TMEM181: variants seen among roughly 807,000 people sequenced by gnomAD.
The protein encoded by TMEM181 is transmembrane protein 181.
Under a neutral mutation model 71.9 loss-of-function variants are expected in TMEM181, and 39 were observed. The ratio of observed to expected loss-of-function variants is 0.54; its 90% CI spans 0.42 to 0.71. TMEM181 has a LOEUF of 0.71. TMEM181 is among the 30% of genes least tolerant of loss of function. TMEM181 has a pLI of 0.00. For synonymous variants in TMEM181, 245 were observed against 228.8 expected, an observed-to-expected ratio of 1.07 and a Z score of -0.64; for missense variants, 595 against 583.0, an observed-to-expected ratio of 1.02 and a Z score of -0.21.
At chr6:158,550,384 G>T (rs1485208763) in intron 1 of TMEM181, among the ~76,000 whole-genome samples, 1 of 151,694 alleles carries the variant, frequency 6.6e-6, no homozygotes, top group East Asian at 2.0e-4. Context: ...TCAGCCGGGC[G>T]CGGTGGCTCA....
At chr6:158,605,125 AAAAAAAGT>A (rs1784871583) in intron 6 of TMEM181, 134 bp from the exon 7 acceptor site, 44 of 494,222 alleles carry the variant, frequency 8.9e-5, no homozygotes, top group Middle Eastern at 5.6e-4. Context: ...AAAAAAAAAA[AAAAAAAGT>A]GTGTGTGTGT....
intron 2 of TMEM181, among the ~76,000 whole-genome samples, chr6:158,579,760 A>G (rs1783370199): frequency 6.6e-6 from 1 of 152,156 alleles, no homozygotes; most frequent in South Asian, 2.1e-4. Context: ...GGAAATTCAT[A>G]CAGAAGCTAT....
intron 1 of TMEM181, among the ~76,000 whole-genome samples, chr6:158,542,328 G>T (rs972721457): frequency 2.0e-5 from 3 of 152,308 alleles, no homozygotes; most frequent in Middle Eastern, 3.4e-3. Context: ...TACTAAAGTT[G>T]TTACTCCGTT....
chr6:158,579,884 CAGAA>C (rs1196255243), intron 2 of TMEM181, among the ~76,000 whole-genome samples: 1 of 152,078 alleles, frequency 6.6e-6, no homozygotes, highest in East Asian at 1.9e-4. Context: ...ATCATCAAGA[CAGAA>C]AGTAGAGTGG....
intron 2 of TMEM181, among the ~76,000 whole-genome samples, chr6:158,577,805 T>C (rs1783247717): frequency 1.3e-5 from 2 of 152,138 alleles, no homozygotes; most frequent in African/African-American, 4.8e-5. Flanking sequence ...AAAAGAAAAC[T>C]GTTGGCCGGG....
At position 158,582,606 on chromosome 6, in the gene TMEM181, G is replaced by C. The variant is rs942917611; in HGVS notation, c.169-1348G>C. Among the ~76,000 whole-genome samples the C allele has an allele frequency of 2.6e-5, 4 of 151,662 alleles. No individual in the cohort carries two copies. In the South Asian group the frequency reaches 8.4e-4, roughly 32 times the overall value. On this transcript the variant is annotated intron_variant, in intron 3 of 16. Transcript: ENST00000684151. ...CTTGATCCTGAGAGGTTGATGCTGC[G>C]GTAAGCCATGATTGCACCACTACAC...
In TMEM181 at chr6:158,555,066, A is replaced by G. The variant is rs1781835650; in HGVS notation, c.131+18201A>G. 5.3e-5 allele frequency among the ~76,000 whole-genome samples: 8 copies of G among 152,356 alleles called. No homozygotes were observed. In the South Asian group the frequency reaches 1.7e-3, roughly 32 times the overall value. ...GGACTGGCTGAATTATATAAGGAAA[A>G]CAAACTCTCCAAAGAGCCTTGAACT... On this transcript the variant is annotated intron_variant, in intron 1 of 16. Transcript: ENST00000367090.
chr6:158,624,274 G>A (rs1452943019), intron 11 of TMEM181, among the ~76,000 whole-genome samples: 1 of 152,182 alleles, frequency 6.6e-6, no homozygotes, highest in Non-Finnish European at 1.5e-5. Flanking sequence ...TGCTAAACAC[G>A]CTGGTCTAGT....
chr6:158,587,598 A>G (rs542754810), intron 5 of TMEM181, among the ~76,000 whole-genome samples: 2 of 151,120 alleles, frequency 1.3e-5, no homozygotes, highest in East Asian at 3.9e-4. Flanking sequence ...CCAAGTAGCT[A>G]GGATGACAGG....
intron 14 of TMEM181, 78 bp from the exon 15 acceptor site, chr6:158,629,652 G>C: frequency 8.0e-7 from 1 of 1,249,238 alleles, no homozygotes; most frequent in Non-Finnish European, 1.1e-6. Flanking sequence ...TGCTGATGGC[G>C]GGAGGAGTGG....
At position 158,620,552 on chromosome 6, in the gene TMEM181, C is replaced by T. The variant is rs545652169; in HGVS notation, c.897-2998C>T. On this transcript the variant is annotated intron_variant, in intron 10 of 16. Coordinates refer to ENST00000684151, the MANE Select transcript of TMEM181 (RefSeq NM_001376852.1). The surrounding 1 kb of genome is among the most constrained non-coding windows in gnomAD (Gnocchi z 4.5). Reference sequence around the variant, plus strand: ...GAAAGAGGGAGCAAGGGTTAGGGAGCGAAATACCCATCGCTGGTGGTTGGA... The same window carrying T: ...GAAAGAGGGAGCAAGGGTTAGGGAGTGAAATACCCATCGCTGGTGGTTGGA... Among the ~76,000 whole-genome samples the T allele has an allele frequency of 5.3e-5, 8 of 152,228 alleles. No homozygotes were observed. The highest frequency in any genetic ancestry group is 9.6e-5 in the African/African-American group (4 of 41,538).
chr6:158,589,572 G>C (rs146936234), intron 5 of TMEM181, 100 bp from the exon 6 acceptor site: 1 of 846,162 alleles, frequency 1.2e-6, no homozygotes, highest in Admixed American at 2.0e-5. Context: ...GAGACAATGA[G>C]TTCTGCCCAT....
At chr6:158,619,886 AAAAGG>A (rs1442614432) in intron 10 of TMEM181, among the ~76,000 whole-genome samples, 9 of 104,096 alleles carry the variant, frequency 8.6e-5, no homozygotes, top group Middle Eastern at 4.0e-3. Flanking sequence ...AAAAAAAAAA[AAAAGG>A]AGGATGTCAT....
At chr6:158,605,074 A>G (rs1784867634) in intron 6 of TMEM181, among the ~76,000 whole-genome samples, 193 bp from the exon 7 acceptor site, 1 of 149,360 alleles carries the variant, frequency 6.7e-6, no homozygotes, top group Non-Finnish European at 1.5e-5. Flanking sequence ...AGATTGCGCC[A>G]CTTCACTCCG....
intron 1 of TMEM181, among the ~76,000 whole-genome samples, chr6:158,563,446 G>T (rs1022552958): frequency 2.0e-5 from 3 of 152,102 alleles, no homozygotes; most frequent in Non-Finnish European, 4.4e-5. Flanking sequence ...GCTTGGCCAG[G>T]AACTGGGGTT....
chr6:158,586,195 A>G (rs972663396), intron 5 of TMEM181, among the ~76,000 whole-genome samples: 2 of 152,182 alleles, frequency 1.3e-5, no homozygotes, highest in African/African-American at 2.4e-5. Flanking sequence ...GCTTGATTTC[A>G]TTGGCACTGT....
chr6:158,581,773 A>AAAAAAAC (rs1783496460), intron 3 of TMEM181, among the ~76,000 whole-genome samples: 1 of 151,290 alleles, frequency 6.6e-6, no homozygotes, highest in Non-Finnish European at 1.5e-5. Flanking sequence ...AAAAAAAAAA[A>AAAAAAAC]AGCCTTAACT....
intron 10 of TMEM181, among the ~76,000 whole-genome samples, chr6:158,614,487 A>AAC (rs1455258135): frequency 6.6e-6 from 1 of 152,170 alleles, no homozygotes; most frequent in Non-Finnish European, 1.5e-5. Context: ...TATTTAAAAA[A>AAC]AATTTTTTTT....
intron 6 of TMEM181, among the ~76,000 whole-genome samples, chr6:158,600,249 G>A (rs1049895092): frequency 6.7e-6 from 1 of 150,306 alleles, no homozygotes; most frequent in Admixed American, 6.6e-5. Flanking sequence ...CACTGCAACC[G>A]CTGCCTCCTG....
Sources: allele counts gnomAD v4.1 joint callset (sites outside exome capture counted in the v4.1 genomes callset), GRCh38; gene constraint gnomAD v4.1.1; non-coding constraint Gnocchi (gnomAD v3.1); transcripts MANE v1.5; gene names NCBI Gene and HGNC (gene_info 2026-07-23, HGNC 2026-07-21).